The following GOLGA3 variants were observed in gnomAD, a reference collection of about 807,000 sequenced individuals.
GOLGA3 encodes the protein golgin subfamily A member 3.
A neutral mutation model predicts 169.4 loss-of-function variants in GOLGA3; 75 were observed. The observed-to-expected ratio is 0.44, with a 90% CI of 0.37 to 0.54. The LOEUF (loss-of-function observed/expected upper bound fraction) is 0.54. Ranked by LOEUF, GOLGA3 falls within the 20% of genes least tolerant of loss-of-function variation. The pLI, the probability that GOLGA3 is intolerant of heterozygous loss-of-function variation, is 0.00. For synonymous variants in GOLGA3, 824 were observed against 822.4 expected (o/e 1.00, Z -0.03); for missense variants, 1,899 against 1,930.0 (o/e 0.98, Z 0.30).
Position 132,795,739 on chromosome 12 carries a change from C to A in GOLGA3, c.2469+113G>T, listed in dbSNP as rs980819531. 1.5e-5 allele frequency: 18 copies of A among 1,184,444 alleles called. 1 individual carries two copies. The highest frequency in any genetic ancestry group is 8.7e-5 in the Admixed American group (4 of 46,138). The allele number at this position is 1,184,444 out of a possible 1,614,324, so 73.4% of individuals were successfully genotyped here. A position where few individuals can be genotyped will look rare whatever the true frequency, so the allele number is the denominator to read the frequency against. On this transcript the variant is annotated intron_variant, in intron 11 of 23. Transcript: ENST00000450791. ...TCATCCCACTGCACTCCAGCCTGGGCAACACAGCGAGACTGTTTCAAAAAA... is the reference window on the plus strand; with the variant it reads ...TCATCCCACTGCACTCCAGCCTGGGAAACACAGCGAGACTGTTTCAAAAAA...
rs564403986 is a variant in GOLGA3, at chr12:132,805,126, G to T, written c.1291-104C>A. ...GCGAGTCAGTCAGGGCCTGACAGGG[G>T]ACCCCGAGACCCCCAGGCGCTCTCC... On this transcript the variant is annotated intron_variant, in intron 6 of 23. Coordinates refer to ENST00000450791, the MANE Select transcript of GOLGA3 (RefSeq NM_001389683.1). 23 of 1,247,250 alleles carry T rather than the reference G, an allele frequency of 1.8e-5. No homozygotes were observed. The African/African-American group carries it at 3.4e-4, about 19-fold the overall frequency. 77.3% of individuals were successfully genotyped at this position (1,247,250 alleles called of 1,614,324 possible). A position where few individuals can be genotyped will look rare whatever the true frequency, so the allele number is the denominator to read the frequency against.
intron 4 of GOLGA3, among the ~76,000 whole-genome samples, chr12:132,809,444 GC>G (rs1342524831): frequency 1.6e-5 from 1 of 63,758 alleles, no homozygotes; most frequent in Non-Finnish European, 3.3e-5. Context: ...CCGCCCCCCC[GC>G]CCCCCGGTTC....
chr12:132,781,417 G>C (rs1419435236), intron 17 of GOLGA3, among the ~76,000 whole-genome samples: 1 of 152,086 alleles, frequency 6.6e-6, no homozygotes, highest in African/African-American at 2.4e-5. Flanking sequence ...AAATTAGCTG[G>C]GCGCGGTGGT....
At chr12:132,788,962 A>AGACACACG in intron 13 of GOLGA3, 65 bp downstream of exon 13, 1 of 310,604 alleles carries the variant, frequency 3.2e-6, no homozygotes, top group Non-Finnish European at 4.7e-6. Flanking sequence ...CACAGGCCCC[A>AGACACACG]CCCTCCCGAC....
At chr12:132,794,628 T>C (rs979361639) in intron 11 of GOLGA3, among the ~76,000 whole-genome samples, 2 of 149,812 alleles carry the variant, frequency 1.3e-5, no homozygotes, top group African/African-American at 2.4e-5. Context: ...AAATAACATA[T>C]AGCTCCACAA....
rs769937060 is a variant in GOLGA3, at chr12:132,775,133, C to A, written c.4143+8G>T. On this transcript the variant is annotated splice_region_variant and intron_variant, in intron 22 of 23. Coordinates refer to ENST00000450791, the MANE Select transcript of GOLGA3 (RefSeq NM_001389683.1). ...CGGCTACCCCGGGAGGGACGCGGGC[C>A]TGAGTACCGTCTTGGCCGCGCCGCG... 1.4e-4 allele frequency: 224 copies of A among 1,611,614 alleles called. No individual in the cohort carries two copies. Among genetic ancestry groups the A allele is most frequent in the Non-Finnish European group, 1.9e-4 (221 of 1,179,722 alleles).
At position 132,777,152 on chromosome 12, in the gene GOLGA3, C is replaced by A; in HGVS notation, c.3723-62G>T. On this transcript the variant is annotated intron_variant, in intron 19 of 23. Coordinates refer to ENST00000450791, the MANE Select transcript of GOLGA3 (RefSeq NM_001389683.1). The surrounding 1 kb of genome is among the most constrained non-coding windows in gnomAD (Gnocchi z 4.7). ...GCTCCTCCAGTGTGCTGTGCCCTCC[C>A]GCTGGGAAATGCTGCCTGTGGAAGG... is the stretch of plus-strand genomic sequence containing the variant. The A allele has an allele frequency of 6.6e-7, 1 of 1,517,548 alleles. No homozygotes were observed. Among genetic ancestry groups the A allele is most frequent in the South Asian group, 1.3e-5 (1 of 76,560 alleles). 94.0% of individuals were successfully genotyped at this position (1,517,548 alleles called of 1,614,324 possible).
intron 3 of GOLGA3, among the ~76,000 whole-genome samples, chr12:132,815,610 T>C (rs1949921270): frequency 6.6e-6 from 1 of 152,254 alleles, no homozygotes; most frequent in African/African-American, 2.4e-5. Flanking sequence ...AAAAATATAC[T>C]GCAGGCCAGG....
chr12:132,802,055 A>C, intron 7 of GOLGA3, 86 bp from the exon 8 acceptor site: 1 of 1,034,038 alleles, frequency 9.7e-7, no homozygotes, highest in South Asian at 1.4e-5. Context: ...ACAAGGCGGG[A>C]CTCTCAGGGG....
At position 132,821,407 on chromosome 12, in the gene GOLGA3, C is replaced by T. The variant is rs551262037; in HGVS notation, c.133+589G>A. 1.6e-3 allele frequency among the ~76,000 whole-genome samples: 17 copies of T among 10,736 alleles called. No individual in the cohort carries two copies. In the Admixed American group the frequency reaches 0.019, roughly 12 times the overall value. 7.0% of individuals were successfully genotyped at this position (10,736 alleles called of 152,430 possible). On this transcript the variant is annotated intron_variant, in intron 2 of 23. Coordinates refer to ENST00000450791, the MANE Select transcript of GOLGA3 (RefSeq NM_001389683.1). ...GGGCACCCAGAGCAAAACTCCACGT[C>T]GAAAAAAAAAAAAGGTAGAATTTTA...
chr12:132,813,460 C>T (rs776394049), intron 3 of GOLGA3, 41 bp from the exon 4 acceptor site: 2 of 1,113,706 alleles, frequency 1.8e-6, no homozygotes, highest in Non-Finnish European at 2.7e-6. Context: ...CATAAAATAC[C>T]AGGATGCAGA....
intron 17 of GOLGA3, 109 bp downstream of exon 17, chr12:132,782,187 T>G (rs1593247405): frequency 9.8e-7 from 1 of 1,025,264 alleles, no homozygotes. Flanking sequence ...GCAGGCCGGG[T>G]GGGCTAGGAG....
Position 132,804,727 on chromosome 12 carries a change from T to C in GOLGA3, c.1586A>G (p.Lys529Arg), listed in dbSNP as rs999246003. 2 of 1,612,740 alleles carry C rather than the reference T, an allele frequency of 1.2e-6. No homozygotes were observed. The highest frequency in any genetic ancestry group is 1.7e-6 in the Non-Finnish European group (2 of 1,178,884). ...VEDMQRSMLS[K>R]DNTVHDLRQQ... ...AGGGCCAGCCTCACCTGTGTTGTCC[T>C]TGCTGAGCATGCTCCTCTGCATGTC... The change falls in exon 7 of 24, where the codon AAG becomes AGG. Residue 529 changes from lysine (K) to arginine (R), a missense_variant. Lys to Arg is a conservative substitution (Grantham distance 26). Coordinates refer to ENST00000450791, the MANE Select transcript of GOLGA3 (RefSeq NM_001389683.1). This position sits in a 1 kb window ranked among gnomAD's most constrained non-coding sequence, Gnocchi z 4.1.
intron 11 of GOLGA3, 85 bp downstream of exon 11, chr12:132,795,767 A>C (rs992250599): frequency 1.4e-6 from 2 of 1,383,296 alleles, no homozygotes; most frequent in Non-Finnish European, 2.0e-6. Context: ...TCAAAAAAAA[A>C]AGAAAGAAAG....
At chr12:132,774,619 C>T (rs2045115501) in intron 22 of GOLGA3, 1 of 470,590 alleles carries the variant, frequency 2.1e-6, no homozygotes, top group African/African-American at 2.0e-5. Flanking sequence ...GACGCTTCTC[C>T]CATCAGATAC....
intron 7 of GOLGA3, among the ~76,000 whole-genome samples, chr12:132,803,782 G>C (rs1049384024): frequency 3.3e-5 from 5 of 152,150 alleles, no homozygotes; most frequent in African/African-American, 1.2e-4. Context: ...GGCTCACATG[G>C]AGTCAGCCCT....
intron 10 of GOLGA3, 42 bp downstream of exon 10, chr12:132,796,497 A>G (rs1000935621): frequency 6.3e-7 from 1 of 1,578,802 alleles, no homozygotes; most frequent in African/African-American, 1.3e-5. Flanking sequence ...GCTCGGGATC[A>G]CCTGGGGCCT....
intron 2 of GOLGA3, among the ~76,000 whole-genome samples, chr12:132,818,122 G>T (rs551073498): frequency 1.2e-3 from 162 of 131,394 alleles, no homozygotes; most frequent in Non-Finnish European, 2.2e-3. Context: ...ACTCCTCCAT[G>T]CTCTAAGGTG....
chr12:132,796,318 A>C, intron 10 of GOLGA3, 98 bp from the exon 11 acceptor site: 1 of 1,395,318 alleles, frequency 7.2e-7, no homozygotes, highest in Non-Finnish European at 9.6e-7. Flanking sequence ...GATGGACACT[A>C]TGGAGGGTCT....
Sources: allele counts gnomAD v4.1 joint callset (sites outside exome capture counted in the v4.1 genomes callset), GRCh38; gene constraint gnomAD v4.1.1; non-coding constraint Gnocchi (gnomAD v3.1); transcripts MANE v1.5; gene names NCBI Gene and HGNC (gene_info 2026-07-23, HGNC 2026-07-21).